Variants in ANKS3 observed in about 807,000 individuals in gnomAD.
ANKS3 encodes the protein ankyrin repeat and SAM domain-containing protein 3.
Under a neutral mutation model 80.7 loss-of-function variants are expected in ANKS3, and 62 were observed. The ratio of observed to expected loss-of-function variants is 0.77; its 90% CI spans 0.63 to 0.95. The LOEUF (loss-of-function observed/expected upper bound fraction) is 0.95, where lower values mean the gene tolerates loss of function less well. Ranked by LOEUF, ANKS3 falls within the 40% of genes least tolerant of loss-of-function variation. The pLI is 0.00. For missense variants in ANKS3, 1,150 were observed against 883.6 expected (o/e 1.30, Z -3.82); for synonymous variants, 489 against 355.3 (o/e 1.38, Z -4.23).
At chr16:4,722,979 T>C (rs1056864627) in intron 6 of ANKS3, among the ~76,000 whole-genome samples, 41 of 149,408 alleles carry the variant, frequency 2.7e-4, no homozygotes, top group African/African-American at 9.6e-4. Context: ...AAGGACAAAC[T>C]AAAATGAGAC....
intron 6 of ANKS3, among the ~76,000 whole-genome samples, chr16:4,716,677 G>GTA (rs1489313006): frequency 1.3e-5 from 2 of 152,098 alleles, no homozygotes; most frequent in East Asian, 1.9e-4. Context: ...CAGCACTTTG[G>GTA]GGGACCAAGG....
At chr16:4,731,799 C>A (rs962213288) in intron 1 of ANKS3, among the ~76,000 whole-genome samples, 1 of 152,062 alleles carries the variant, frequency 6.6e-6, no homozygotes, top group Non-Finnish European at 1.5e-5. Context: ...GGCCGGTGAA[C>A]TGGTGAGGTA....
At chr16:4,722,408 G>C (rs1011672347) in intron 6 of ANKS3, among the ~76,000 whole-genome samples, 1 of 151,646 alleles carries the variant, frequency 6.6e-6, no homozygotes, top group Non-Finnish European at 1.5e-5. Context: ...GTGAAACCTT[G>C]TCTCTACTAA....
intron 6 of ANKS3, 22 bp from the exon 7 acceptor site, chr16:4,714,208 G>A (rs571994473): frequency 5.6e-6 from 9 of 1,613,060 alleles, no homozygotes; most frequent in South Asian, 5.5e-5. Context: ...CGTGAAAGGG[G>A]GTTAGGGGCC....
chr16:4,698,328 C>T (rs1005316484), intron 14 of ANKS3, 99 bp downstream of exon 14: 1 of 1,408,424 alleles, frequency 7.1e-7, no homozygotes, highest in African/African-American at 1.5e-5. Flanking sequence ...TGAAATCCAC[C>T]CCTCAGTTAC....
At chr16:4,726,823 T>C (rs747305783) in intron 4 of ANKS3, 43 bp from the exon 5 acceptor site, 2 of 1,603,886 alleles carry the variant, frequency 1.2e-6, no homozygotes, top group Non-Finnish European at 1.7e-6. Context: ...TCATCTCCTC[T>C]GCGTGGGGCG....
chr16:4,713,864 C>T (rs541199245), intron 7 of ANKS3, among the ~76,000 whole-genome samples, 187 bp downstream of exon 7: 4 of 152,232 alleles, frequency 2.6e-5, no homozygotes, highest in East Asian at 1.9e-4. Flanking sequence ...CACTCTCCAT[C>T]GTAACCATCC....
rs765638626 is a variant in ANKS3 at position 4,733,828 on chromosome 16, A to T, written c.-71+110T>A. ...CTGGTGGTAACTGTCACGCCCACAGAGGAGGTCTGTGAAAGCACCCAGGCA... is the reference window on the plus strand; with the variant it reads ...CTGGTGGTAACTGTCACGCCCACAGTGGAGGTCTGTGAAAGCACCCAGGCA... On this transcript the variant is annotated intron_variant, in intron 1 of 17. Coordinates refer to ENST00000304283, the MANE Select transcript of ANKS3 (RefSeq NM_133450.4). 2.2e-5 allele frequency: 15 copies of T among 682,246 alleles called. 1 individual carries two copies. Among genetic ancestry groups the T allele is most frequent in the Non-Finnish European group, 2.7e-5 (15 of 552,636 alleles). The allele number at this position is 682,246 out of a possible 1,614,324, so 42.3% of individuals were successfully genotyped here. A position where few individuals can be genotyped will look rare whatever the true frequency, so the allele number is the denominator to read the frequency against.
At chr16:4,727,267 G>A in intron 3 of ANKS3, 90 bp from the exon 4 acceptor site, 1 of 1,347,748 alleles carries the variant, frequency 7.4e-7, no homozygotes, top group Non-Finnish European at 1.0e-6. Context: ...CAGGCGGGAT[G>A]AGTTGACAGG....
intron 12 of ANKS3, 53 bp downstream of exon 12, chr16:4,698,999 G>C (rs955609941): frequency 6.2e-7 from 1 of 1,613,890 alleles, no homozygotes; most frequent in Non-Finnish European, 8.5e-7. Flanking sequence ...TTACATGAGT[G>C]GGAGTTTGCC....
At chr16:4,715,238 G>C (rs1195499832) in intron 6 of ANKS3, among the ~76,000 whole-genome samples, 1 of 151,850 alleles carries the variant, frequency 6.6e-6, no homozygotes, top group East Asian at 1.9e-4. Flanking sequence ...TCAGGAGTTG[G>C]ACAACAACCT....
At chr16:4,733,842 A>G in intron 1 of ANKS3, 96 bp downstream of exon 1, 1 of 835,154 alleles carries the variant, frequency 1.2e-6, no homozygotes, top group Non-Finnish European at 1.4e-6. Flanking sequence ...GGTCTGTGAA[A>G]GCACCCAGGC....
chr16:4,725,981 T>G (rs1173919716), intron 5 of ANKS3, among the ~76,000 whole-genome samples: 3 of 11,014 alleles, frequency 2.7e-4, no homozygotes, highest in Non-Finnish European at 2.4e-3. Flanking sequence ...GTTGTTTTTG[T>G]TTTTTTTTTT....
rs139643903 is a variant in ANKS3, at chr16:4,712,703, C to T, written c.709+1348G>A. ...TAACATATGCCTTCCCTTTTACAGT[C>T]AGCCTCTCATGTAACGTGGCATTTC... is the stretch of plus-strand genomic sequence containing the variant. On this transcript the variant is annotated intron_variant, in intron 7 of 17. Transcript: ENST00000304283. Among the ~76,000 whole-genome samples the T allele has an allele frequency of 1.4e-3, 207 of 152,274 alleles. 2 individuals are homozygous for T. The highest frequency in any genetic ancestry group is 4.7e-3 in the African/African-American group (194 of 41,522).
chr16:4,702,032 G>A (rs991203705), intron 9 of ANKS3, 70 bp downstream of exon 9: 6 of 1,487,154 alleles, frequency 4.0e-6, no homozygotes, highest in Non-Finnish European at 5.4e-6. Flanking sequence ...CAGGGGATAA[G>A]TGGGGATGGG....
intron 3 of ANKS3, chr16:4,729,681 T>G (rs2081525881): frequency 4.9e-6 from 1 of 205,982 alleles, no homozygotes; most frequent in Admixed American, 5.9e-5. Context: ...GTCTTTATTT[T>G]TATTTTGCTT....
At chr16:4,725,866 G>A (rs374421180) in intron 5 of ANKS3, among the ~76,000 whole-genome samples, 134 of 151,652 alleles carry the variant, frequency 8.8e-4, no homozygotes, top group African/African-American at 3.1e-3. Context: ...CACCATGTTG[G>A]CCAGACTGGT....
rs867213039 is a variant in ANKS3 at position 4,716,346 on chromosome 16, C to T, written c.574-2160G>A. Among the ~76,000 whole-genome samples the T allele has an allele frequency of 6.7e-5, 9 of 134,490 alleles. 1 individual carries two copies. Among genetic ancestry groups the T allele is most frequent in the Middle Eastern group, 8.6e-3 (2 of 232 alleles). 88.2% of individuals were successfully genotyped at this position (134,490 alleles called of 152,430 possible). ...ACTGGACTCCAGCCTGGGCGACACA[C>T]GGAGACTCCAACTCAAAAAAAAAAA... On this transcript the variant is annotated intron_variant, in intron 6 of 17. Coordinates refer to ENST00000304283, the MANE Select transcript of ANKS3 (RefSeq NM_133450.4).
intron 7 of ANKS3, among the ~76,000 whole-genome samples, chr16:4,705,481 G>C (rs1329001830): frequency 2.0e-5 from 3 of 152,196 alleles, no homozygotes; most frequent in African/African-American, 7.2e-5. Context: ...TTTTTCTTGA[G>C]ACAGAGTCTC....
Sources: allele counts gnomAD v4.1 joint callset (sites outside exome capture counted in the v4.1 genomes callset), GRCh38; gene constraint gnomAD v4.1.1; transcripts MANE v1.5; gene names NCBI Gene and HGNC (gene_info 2026-07-23, HGNC 2026-07-21).